Variants in PPIL3 observed in about 807,000 individuals in gnomAD.
The protein encoded by PPIL3 is peptidyl-prolyl cis-trans isomerase-like 3.
A neutral mutation model predicts 20.9 loss-of-function variants in PPIL3; 13 were observed. That is an observed-to-expected ratio of 0.62 (90% CI 0.40 to 0.99). The LOEUF is 0.99. Ranked by LOEUF, PPIL3 falls within the 50% of genes least tolerant of loss-of-function variation. PPIL3 has a pLI of 0.00. For missense variants in PPIL3, 170 were observed against 195.2 expected (o/e 0.87, Z 0.77); for synonymous variants, 71 against 64.4 (o/e 1.10, Z -0.49).
chr2:200,879,410 C>T (rs141213460), intron 5 of PPIL3, among the ~76,000 whole-genome samples: 158 of 152,166 alleles, frequency 1.0e-3, no homozygotes, highest in African/African-American at 3.4e-3. Flanking sequence ...TGAGCCACCG[C>T]GCCCGGCCTA....
At chr2:200,888,850 C>T in intron 1 of PPIL3, 106 bp downstream of exon 1, 1 of 455,788 alleles carries the variant, frequency 2.2e-6, no homozygotes, top group Non-Finnish European at 4.6e-6. Context: ...ACAGCCTCGC[C>T]GCCCACTGTT....
intron 6 of PPIL3, among the ~76,000 whole-genome samples, chr2:200,876,063 T>C (rs985118415): frequency 8.6e-5 from 13 of 151,912 alleles, no homozygotes; most frequent in Non-Finnish European, 7.4e-5. Flanking sequence ...TTAGTTGCTG[T>C]GAAATGCTAT....
At chr2:200,879,320 T>C (rs574209772) in intron 5 of PPIL3, among the ~76,000 whole-genome samples, 10 of 152,056 alleles carry the variant, frequency 6.6e-5, no homozygotes, top group East Asian at 5.8e-4. Flanking sequence ...GGGGTTTCAC[T>C]GTGTTAGCCA....
intron 5 of PPIL3, 40 bp from the exon 6 acceptor site, chr2:200,877,077 T>A (rs2039549954): frequency 3.1e-6 from 4 of 1,289,200 alleles, no homozygotes; most frequent in Non-Finnish European, 4.5e-6. Context: ...TGTTTTTATA[T>A]AACCATCCCA....
chr2:200,874,006 C>T (rs886727719), intron 6 of PPIL3, among the ~76,000 whole-genome samples: 66 of 151,354 alleles, frequency 4.4e-4, no homozygotes, highest in South Asian at 2.7e-3. Context: ...GAGATTGAGA[C>T]CATCCTGGCT....
chr2:200,887,778 C>T (rs1171120339), intron 1 of PPIL3, 93 bp from the exon 2 acceptor site: 4 of 498,768 alleles, frequency 8.0e-6, no homozygotes, highest in South Asian at 7.1e-5. Flanking sequence ...AAAACCTCGC[C>T]GGGCGTGGTG....
chr2:200,881,295 C>A (rs1297005719), intron 5 of PPIL3, 126 bp downstream of exon 5: 2 of 715,538 alleles, frequency 2.8e-6, no homozygotes, highest in Admixed American at 3.3e-5. Context: ...GTCAAATGTA[C>A]AAAAACTATA....
In PPIL3 at chr2:200,876,931, G is replaced by C. The variant is rs777293597; in HGVS notation, c.347C>G (p.Thr116Ser). 1.2e-6 allele frequency: 2 copies of C among 1,601,340 alleles called. No individual in the cohort carries two copies. Among genetic ancestry groups the C allele is most frequent in the African/African-American group, 2.7e-5 (2 of 74,602 alleles). Reference protein sequence around the residue: ...GKQPHLDMKYTVFGKVIDGLE... With the variant: ...GKQPHLDMKYSVFGKVIDGLE... ...CCAGAATACTCACTTTCCAAATACG[G>C]TGTATTTCATGTCCAAATGTGGCTG... Residue 116 changes from threonine (T) to serine (S), a missense_variant, in exon 6 of 7, where the codon ACC (threonine) becomes AGC (serine). Thr to Ser is a moderately conservative substitution (Grantham distance 58). Transcript: ENST00000392283.
chr2:200,882,705 C>T (rs1357454656), intron 3 of PPIL3, among the ~76,000 whole-genome samples: 6 of 151,810 alleles, frequency 4.0e-5, no homozygotes, highest in Non-Finnish European at 5.9e-5. Flanking sequence ...GTCAGAAGAT[C>T]GAGACCATCC....
At chr2:200,876,362 A>C (rs1268536793) in intron 6 of PPIL3, among the ~76,000 whole-genome samples, 1 of 152,076 alleles carries the variant, frequency 6.6e-6, no homozygotes, top group African/African-American at 2.4e-5. Flanking sequence ...TTTGCATAAC[A>C]ATATTGAAAA....
At chr2:200,872,788 A>G (rs1028474128) in intron 6 of PPIL3, among the ~76,000 whole-genome samples, 6 of 152,248 alleles carry the variant, frequency 3.9e-5, no homozygotes, top group African/African-American at 1.2e-4. Flanking sequence ...TACAGGAAAT[A>G]CATGGAGAAA....
chr2:200,888,988 T>C lies in PPIL3; in HGVS notation c.-103A>G, dbSNP rs550927754. The C allele has an allele frequency of 8.9e-5, 42 of 471,238 alleles. No homozygotes were observed. Among genetic ancestry groups the C allele is most frequent in the African/African-American group, 8.4e-4 (42 of 50,222 alleles). 29.2% of individuals were successfully genotyped at this position (471,238 alleles called of 1,614,324 possible). On this transcript the variant is annotated 5_prime_UTR_variant, in exon 1 of 7. Coordinates refer to ENST00000392283, the MANE Select transcript of PPIL3 (RefSeq NM_130906.3). ...TCACCACTTCGTCTAGCACAGCCGTTGTTAAAACAGGAAAAATGCAATCGC... is the reference window on the plus strand; with the variant it reads ...TCACCACTTCGTCTAGCACAGCCGTCGTTAAAACAGGAAAAATGCAATCGC...
chr2:200,881,619 A>C, intron 4 of PPIL3, 131 bp from the exon 5 acceptor site: 1 of 662,072 alleles, frequency 1.5e-6, no homozygotes, highest in Non-Finnish European at 2.4e-6. Context: ...GGCCTTTCCT[A>C]ATTCCCCAAA....
At chr2:200,883,536 T>C (rs1254657187) in intron 3 of PPIL3, among the ~76,000 whole-genome samples, 1 of 151,868 alleles carries the variant, frequency 6.6e-6, no homozygotes, top group Non-Finnish European at 1.5e-5. Context: ...GGAAGATCAC[T>C]TGAGTCCAGG....
At chr2:200,882,959 A>C (rs1235848444) in intron 3 of PPIL3, among the ~76,000 whole-genome samples, 4 of 151,526 alleles carry the variant, frequency 2.6e-5, no homozygotes, top group African/African-American at 9.7e-5. Flanking sequence ...CAAGCCCTGC[A>C]GTACCTGGCT....
In PPIL3 at chr2:200,882,412, A is replaced by G. The variant is rs2039766231; in HGVS notation, c.102T>C (p.Ser34=). 6.2e-7 allele frequency: 1 copy of G among 1,606,216 alleles called. No homozygotes were observed. The highest frequency in any genetic ancestry group is 1.1e-5 in the South Asian group (1 of 90,884). The change falls in exon 4 of 7, where the codon AGT becomes AGC. Residue 34 remains serine (S), a synonymous_variant. Transcript: ENST00000392283. ...TCENFLALCA[S]NYYNGCIFHR... ...GAAATATACAGCCATTGTAGTAATT[A>G]CTGGCACAAAGAGCCAAGAAATTCT... is the stretch of plus-strand genomic sequence containing the variant.
In PPIL3 at chr2:200,879,402, A is replaced by ATTACAG. The variant is rs1412355201; in HGVS notation, c.240+2018_240+2019insCTGTAA. On this transcript the variant is annotated intron_variant, in intron 5 of 6. Transcript: ENST00000392283. ...CCAAAGTGCTGGGATTACAGGTGTG[A>ATTACAG]GCCACCGCGCCCGGCCTATATAATG... is the stretch of plus-strand genomic sequence containing the variant. 4.6e-5 allele frequency among the ~76,000 whole-genome samples: 7 copies of ATTACAG among 151,770 alleles called. No homozygotes were observed. The East Asian group carries it at 1.4e-3, about 30-fold the overall frequency.
Position 200,882,334 on chromosome 2 carries a change from T to A in PPIL3, c.172+8A>T, listed in dbSNP as rs1415681252. Reference sequence around the variant, plus strand: ...GTTCCTTAGATCTTGGTTAATGGAATAACTTACCTGTTGGATCTCCTGTTT... The same window carrying A: ...GTTCCTTAGATCTTGGTTAATGGAAAAACTTACCTGTTGGATCTCCTGTTT... On this transcript the variant is annotated splice_region_variant and intron_variant, in intron 4 of 6. Transcript: ENST00000392283. 6.5e-7 allele frequency: 1 copy of A among 1,540,480 alleles called. No homozygotes were observed. Among genetic ancestry groups the A allele is most frequent in the South Asian group, 1.1e-5 (1 of 89,540 alleles).
At chr2:200,881,973 A>G (rs975872256) in intron 4 of PPIL3, among the ~76,000 whole-genome samples, 3 of 152,260 alleles carry the variant, frequency 2.0e-5, no homozygotes, top group Admixed American at 2.0e-4. Context: ...TAACACAGGA[A>G]CAGAAAACCA....
Sources: allele counts gnomAD v4.1 joint callset (sites outside exome capture counted in the v4.1 genomes callset), GRCh38; gene constraint gnomAD v4.1.1; transcripts MANE v1.5; gene names NCBI Gene and HGNC (gene_info 2026-07-23, HGNC 2026-07-21).